Variants in NELFCD observed in about 807,000 individuals in gnomAD.
The protein encoded by NELFCD is negative elongation factor complex member C/D.
NELFCD carries 48 observed loss-of-function variants against 72.9 expected under a neutral mutation model. That is an observed-to-expected ratio of 0.66 (90% CI 0.52 to 0.84). The LOEUF is 0.84. Ranked by LOEUF, NELFCD falls within the 40% of genes least tolerant of loss-of-function variation. NELFCD has a pLI of 0.00. For missense variants in NELFCD, 538 were observed against 723.8 expected, an observed-to-expected ratio of 0.74 and a Z score of 2.94; for synonymous variants, 297 against 280.6, an observed-to-expected ratio of 1.06 and a Z score of -0.59.
chr20:58,993,677 T>C lies in NELFCD; in HGVS notation c.1494T>C (p.Gly498=), dbSNP rs1172153582. The change falls in exon 13 of 15, where the codon GGT becomes GGC. Residue 498 remains glycine, a synonymous_variant. Transcript: ENST00000652272. The surrounding 1 kb of genome is among the most constrained non-coding windows in gnomAD (Gnocchi z 5.0). The part of the protein sequence containing the change: ...LDRMVHLLSR[G]YVLPVVSYIR... ...GGATGGTTCACCTGCTGAGTCGAGGTTATGTACTTCCTGTTGTCAGTTACA... is the reference window on the plus strand; with the variant it reads ...GGATGGTTCACCTGCTGAGTCGAGGCTATGTACTTCCTGTTGTCAGTTACA... 1.2e-6 allele frequency: 2 copies of C among 1,614,216 alleles called. No individual in the cohort carries two copies. The highest frequency in any genetic ancestry group is 4.5e-5 in the East Asian group (2 of 44,890).
chr20:58,990,068 C>T, intron 7 of NELFCD, 80 bp downstream of exon 7: 2 of 1,550,786 alleles, frequency 1.3e-6, no homozygotes, highest in Non-Finnish European at 1.7e-6. Flanking sequence ...GTTCCACAGC[C>T]AAAGCTGCTA....
chr20:58,983,485 G>T (rs1159314756), intron 1 of NELFCD, among the ~76,000 whole-genome samples: 3 of 149,734 alleles, frequency 2.0e-5, no homozygotes, highest in African/African-American at 7.4e-5. Context: ...TGTCACCCAG[G>T]CTGGAGTGCA....
chr20:58,994,148 C>A lies in NELFCD; in HGVS notation c.1620C>A (p.Phe540Leu). The A allele has an allele frequency of 1.2e-6, 2 of 1,614,216 alleles. No homozygotes were observed. Among genetic ancestry groups the A allele is most frequent in the Non-Finnish European group, 1.7e-6 (2 of 1,180,012 alleles). The change falls in exon 14 of 15, where the codon TTC (phenylalanine) becomes TTA (leucine). Residue 540 changes from phenylalanine (F) to leucine (L), a missense_variant. Phe to Leu is a conservative substitution (Grantham distance 22). Transcript: ENST00000652272. ...TTGCTCCTCCTTATACCTCTGACTT[C>A]GTGCAACTTTTCCTCCCCATCCTGG... is the stretch of plus-strand genomic sequence containing the variant. ...DVIAPPYTSD[F>L]VQLFLPILEN...
rs772061032 is a variant in NELFCD at position 58,994,624 on chromosome 20, C to T, written c.1712-18C>T. 7.0e-5 allele frequency: 110 copies of T among 1,575,028 alleles called. No individual in the cohort carries two copies. The highest frequency in any genetic ancestry group is 9.5e-5 in the Non-Finnish European group (109 of 1,146,166). ...CTACTTCCTGTTTCTAACACAGTCA[C>T]TGTTTTCCTCGTTAAAGCTCACTGC... On this transcript the variant is annotated intron_variant, in intron 14 of 14. Coordinates refer to ENST00000652272, the MANE Select transcript of NELFCD (RefSeq NM_198976.4).
In NELFCD at chr20:58,993,226, G is replaced by C. The variant is rs2091830444; in HGVS notation, c.1344+114G>C. 7.7e-6 allele frequency: 7 copies of C among 908,902 alleles called. No individual in the cohort carries two copies. Among genetic ancestry groups the C allele is most frequent in the Middle Eastern group, 2.3e-4 (1 of 4,268 alleles). 56.3% of individuals were successfully genotyped at this position (908,902 alleles called of 1,614,324 possible). On this transcript the variant is annotated intron_variant, in intron 11 of 14. Transcript: ENST00000652272. The surrounding 1 kb of genome is among the most constrained non-coding windows in gnomAD (Gnocchi z 5.0). ...TTAGAGGATACTCTTCTCAAAAATAGTTATTTCTGTCCTGAGGATTTTCCT... is the reference window on the plus strand; with the variant it reads ...TTAGAGGATACTCTTCTCAAAAATACTTATTTCTGTCCTGAGGATTTTCCT...
intron 13 of NELFCD, 91 bp from the exon 14 acceptor site, chr20:58,994,018 AT>A: frequency 6.7e-7 from 1 of 1,498,414 alleles, no homozygotes; most frequent in Non-Finnish European, 9.1e-7. Flanking sequence ...GTGGGGAGGG[AT>A]TTTTTCCAAA....
intron 7 of NELFCD, 120 bp from the exon 8 acceptor site, chr20:58,990,789 CA>C: frequency 1.2e-6 from 1 of 833,220 alleles, no homozygotes; most frequent in Non-Finnish European, 1.9e-6. Flanking sequence ...GTGGGTCAGT[CA>C]GTATACTCGT....
chr20:58,984,081 C>G (rs927940110), intron 1 of NELFCD, among the ~76,000 whole-genome samples: 1 of 152,126 alleles, frequency 6.6e-6, no homozygotes, highest in African/African-American at 2.4e-5. Context: ...TTCTGTTCGC[C>G]TGATGCCATG....
Position 58,993,264 on chromosome 20 carries a change from G to A in NELFCD, c.1344+152G>A. The A allele has an allele frequency of 8.5e-6, 7 of 819,546 alleles. No homozygotes were observed. The highest frequency in any genetic ancestry group is 1.4e-5 in the Non-Finnish European group (7 of 513,362). 50.8% of individuals were successfully genotyped at this position (819,546 alleles called of 1,614,324 possible). On this transcript the variant is annotated intron_variant, in intron 11 of 14. Transcript: ENST00000652272. The surrounding 1 kb of genome is among the most constrained non-coding windows in gnomAD (Gnocchi z 5.0). ...TGAGGATTTTCCTCTTAAGGACCTA[G>A]CTTCATTGACTGCAGAAATTTCTTA...
At position 58,986,377 on chromosome 20, in the gene NELFCD, A is replaced by G. The variant is rs1249722055; in HGVS notation, c.176+169A>G. On this transcript the variant is annotated intron_variant, in intron 2 of 14. Transcript: ENST00000652272. The surrounding 1 kb of genome is among the most constrained non-coding windows in gnomAD (Gnocchi z 4.4). ...TTTTTTTTTTTTAAATTTTTTTAAG[A>G]CAGAGTCTTGCTCTGTTGCAGTGGC... 1.7e-6 allele frequency: 1 copy of G among 584,312 alleles called. No homozygotes were observed. The highest frequency in any genetic ancestry group is 3.0e-6 in the Non-Finnish European group (1 of 332,290). The allele number at this position is 584,312 out of a possible 1,614,324, so 36.2% of individuals were successfully genotyped here.
rs762678443 is a variant in NELFCD at position 58,995,100 on chromosome 20, A to AT, written c.*429dup. The AT allele has an allele frequency of 1.5e-4, 26 of 176,684 alleles. No individual in the cohort carries two copies. The highest frequency in any genetic ancestry group is 3.0e-4 in the Non-Finnish European group (25 of 83,638). 10.9% of individuals were successfully genotyped at this position (176,684 alleles called of 1,614,324 possible). ...TTTGCTAAGAACAAGTAATAAGTAA[A>AT]TTTTTAAAAAGCCTTTCTGCTGGGT... On this transcript the variant is annotated 3_prime_UTR_variant, in exon 15 of 15. Coordinates refer to ENST00000652272, the MANE Select transcript of NELFCD (RefSeq NM_198976.4).
chr20:58,988,782 G>T, intron 4 of NELFCD, 132 bp from the exon 5 acceptor site: 1 of 644,272 alleles, frequency 1.6e-6, no homozygotes. Flanking sequence ...CTCTGGGTCT[G>T]CCTCCCCCAG....
At position 58,993,809 on chromosome 20, in the gene NELFCD, A is replaced by G. The variant is rs1319242339; in HGVS notation, c.1581+45A>G. 4 of 1,597,310 alleles carry G rather than the reference A, an allele frequency of 2.5e-6. No homozygotes were observed. The highest frequency in any genetic ancestry group is 3.4e-6 in the Non-Finnish European group (4 of 1,168,566). On this transcript the variant is annotated intron_variant, in intron 13 of 14. Coordinates refer to ENST00000652272, the MANE Select transcript of NELFCD (RefSeq NM_198976.4). The surrounding 1 kb of genome is among the most constrained non-coding windows in gnomAD (Gnocchi z 5.0). ...TTTCATGTTTCATACTGTTTACACT[A>G]GCACTGCCCTTTTTGGCTTAATTTA...
In NELFCD at chr20:58,986,875, G is replaced by T. The variant is rs1486400027; in HGVS notation, c.286+12G>T. 9 of 1,588,284 alleles carry T rather than the reference G, an allele frequency of 5.7e-6. No homozygotes were observed. Among genetic ancestry groups the T allele is most frequent in the Non-Finnish European group, 7.8e-6 (9 of 1,157,244 alleles). ...GCTCATTCAGACAGGTGCTTTGTGG[G>T]TGTCCCCTGTCCTGGCTAGTTACCC... On this transcript the variant is annotated intron_variant, in intron 3 of 14. Coordinates refer to ENST00000652272, the MANE Select transcript of NELFCD (RefSeq NM_198976.4). The surrounding 1 kb of genome is among the most constrained non-coding windows in gnomAD (Gnocchi z 4.4).
intron 1 of NELFCD, among the ~76,000 whole-genome samples, chr20:58,984,303 T>C (rs2091757193): frequency 1.3e-5 from 2 of 152,164 alleles, no homozygotes; most frequent in Non-Finnish European, 1.5e-5. Flanking sequence ...TGGGAATCTT[T>C]AAGCAGGAGA....
chr20:58,993,773 T>C lies in NELFCD; in HGVS notation c.1581+9T>C. On this transcript the variant is annotated intron_variant, in intron 13 of 14. Coordinates refer to ENST00000652272, the MANE Select transcript of NELFCD (RefSeq NM_198976.4). This position sits in a 1 kb window ranked among gnomAD's most constrained non-coding sequence, Gnocchi z 5.0. ...GCTATTTTGTCACTGAGGTCAGCAA[T>C]GCACCGTTGGTTTCATGTTTCATAC... is the stretch of plus-strand genomic sequence containing the variant. 6.2e-7 allele frequency: 1 copy of C among 1,613,914 alleles called. No individual in the cohort carries two copies. The highest frequency in any genetic ancestry group is 8.5e-7 in the Non-Finnish European group (1 of 1,179,926).
Position 58,993,199 on chromosome 20 carries a change from G to A in NELFCD, c.1344+87G>A. On this transcript the variant is annotated intron_variant, in intron 11 of 14. Coordinates refer to ENST00000652272, the MANE Select transcript of NELFCD (RefSeq NM_198976.4). The surrounding 1 kb of genome is among the most constrained non-coding windows in gnomAD (Gnocchi z 5.0). ...CATTAACATTGCATCTATTCAGTGAGTTTAGAGGATACTCTTCTCAAAAAT... is the reference window on the plus strand; with the variant it reads ...CATTAACATTGCATCTATTCAGTGAATTTAGAGGATACTCTTCTCAAAAAT... The A allele has an allele frequency of 1.9e-6, 2 of 1,037,340 alleles. No individual in the cohort carries two copies. The highest frequency in any genetic ancestry group is 1.5e-6 in the Non-Finnish European group (1 of 664,140). The allele number at this position is 1,037,340 out of a possible 1,614,324, so 64.3% of individuals were successfully genotyped here.
chr20:58,994,536 TG>T, intron 14 of NELFCD, 105 bp from the exon 15 acceptor site: 1 of 953,930 alleles, frequency 1.0e-6, no homozygotes, highest in Non-Finnish European at 1.6e-6. Context: ...CACTCTATCC[TG>T]GGCAACAAGA....
intron 1 of NELFCD, among the ~76,000 whole-genome samples, chr20:58,983,379 G>A (rs1031526545): frequency 6.6e-5 from 10 of 151,038 alleles, no homozygotes; most frequent in South Asian, 6.3e-4. Context: ...CAGGTGATCC[G>A]CCTGCCCCGG....
Sources: gnomAD v4.1 joint callset for allele counts (sites outside exome capture counted in the v4.1 genomes callset) on GRCh38, gnomAD v4.1.1 for gene constraint, Gnocchi (gnomAD v3.1) non-coding constraint, MANE v1.5 for transcripts, NCBI Gene and HGNC (gene_info 2026-07-23, HGNC 2026-07-21) for gene names.